Variants in NUDT3 observed in about 807,000 individuals in gnomAD.
NUDT3 encodes diphosphoinositol polyphosphate phosphohydrolase 1.
A neutral mutation model predicts 23.6 loss-of-function variants in NUDT3; 9 were observed. The observed-to-expected ratio is 0.38, with a 90% CI of 0.23 to 0.66. The LOEUF (loss-of-function observed/expected upper bound fraction) is 0.66. NUDT3 is among the 30% of genes least tolerant of loss of function. The probability of loss-of-function intolerance (pLI) is 0.52; values close to 1 mark genes in which losing one functional copy is unlikely to be tolerated. For missense variants in NUDT3, 172 were observed against 218.5 expected, an observed-to-expected ratio of 0.79 and a Z score of 1.34; for synonymous variants, 86 against 82.6, an observed-to-expected ratio of 1.04 and a Z score of -0.22.
At chr6:34,290,804 A>T (rs1763410556) in intron 4 of NUDT3, among the ~76,000 whole-genome samples, 1 of 148,792 alleles carries the variant, frequency 6.7e-6, no homozygotes, top group South Asian at 2.2e-4. Context: ...TATTATTATT[A>T]TTATTATTGA....
chr6:34,355,814 C>T (rs1764552801), intron 1 of NUDT3, among the ~76,000 whole-genome samples: 1 of 151,882 alleles, frequency 6.6e-6, no homozygotes, highest in African/African-American at 2.4e-5. Context: ...TGGATAAAAA[C>T]TCAAGAGGAA....
chr6:34,329,647 A>G (rs181196485), intron 2 of NUDT3, among the ~76,000 whole-genome samples: 91 of 152,024 alleles, frequency 6.0e-4, no homozygotes, highest in Non-Finnish European at 1.2e-3. Context: ...GAAGATACTT[A>G]AAAAAAAATT....
chr6:34,375,144 A>C (rs1202032080), intron 1 of NUDT3, among the ~76,000 whole-genome samples: 1 of 152,146 alleles, frequency 6.6e-6, no homozygotes, highest in Non-Finnish European at 1.5e-5. Context: ...GGAGTTCGAG[A>C]CCAGCCTGAC....
At chr6:34,304,294 T>C (rs904572016) in intron 2 of NUDT3, among the ~76,000 whole-genome samples, 1 of 149,120 alleles carries the variant, frequency 6.7e-6, no homozygotes, top group Admixed American at 6.7e-5. Flanking sequence ...TCGCTGGGCA[T>C]GGTGGCTCAT....
intron 3 of NUDT3, 74 bp from the exon 4 acceptor site, chr6:34,293,609 T>C (rs1763456334): frequency 6.5e-7 from 1 of 1,544,228 alleles, no homozygotes; most frequent in African/African-American, 1.4e-5. Flanking sequence ...AAACACACTC[T>C]TATGCATATG....
chr6:34,388,055 A>C (rs1341057205), intron 1 of NUDT3, among the ~76,000 whole-genome samples: 1 of 152,076 alleles, frequency 6.6e-6, no homozygotes, highest in East Asian at 1.9e-4. Flanking sequence ...TTGTTTAGAT[A>C]TGTTTAGATA....
chr6:34,391,598 C>T (rs1765199664), intron 1 of NUDT3, among the ~76,000 whole-genome samples: 1 of 152,112 alleles, frequency 6.6e-6, no homozygotes, highest in Non-Finnish European at 1.5e-5. Context: ...TTTGGTCTTC[C>T]CAATTAACAT....
At position 34,283,030 on chromosome 6, in the gene NUDT3, G is replaced by C. The variant is rs1290281951; in HGVS notation, c.*5723C>G. 1 of 152,038 alleles carries C rather than the reference G, an allele frequency of 6.6e-6. No individual in the cohort carries two copies. Among genetic ancestry groups the C allele is most frequent in the Non-Finnish European group, 1.5e-5 (1 of 68,004 alleles). The allele number at this position is 152,038 out of a possible 1,614,324, so 9.4% of individuals were successfully genotyped here. A position where few individuals can be genotyped will look rare whatever the true frequency, so the allele number is the denominator to read the frequency against. On this transcript the variant is annotated 3_prime_UTR_variant, in exon 5 of 5. Coordinates refer to ENST00000607016, the MANE Select transcript of NUDT3 (RefSeq NM_006703.4). ...CCAGGTGGACAGTCTTATTTTCTAA[G>C]ACAAGCTCAAAGCTCAAACTCACCA...
At chr6:34,302,214 G>C (rs9469772) in intron 2 of NUDT3, among the ~76,000 whole-genome samples, 1 of 149,962 alleles carries the variant, frequency 6.7e-6, no homozygotes, top group Non-Finnish European at 1.5e-5. Context: ...TTTTTTGGTA[G>C]AGATGAGGTT....
chr6:34,373,862 A>G (rs1236777335), intron 1 of NUDT3, among the ~76,000 whole-genome samples: 2 of 152,196 alleles, frequency 1.3e-5, no homozygotes, highest in East Asian at 3.9e-4. Flanking sequence ...TTAGAAATAT[A>G]TTTTTATTCG....
chr6:34,300,505 G>C (rs1464754871), intron 2 of NUDT3, among the ~76,000 whole-genome samples: 1 of 152,168 alleles, frequency 6.6e-6, no homozygotes, highest in African/African-American at 2.4e-5. Context: ...CAGCTCCTTA[G>C]AGGCTGTCTC....
chr6:34,289,176 G>A (rs561650540), intron 4 of NUDT3, among the ~76,000 whole-genome samples: 3 of 152,252 alleles, frequency 2.0e-5, no homozygotes, highest in East Asian at 1.9e-4. Flanking sequence ...AGAGAACTAC[G>A]GCTAGTGTTT....
chr6:34,340,289 C>T (rs1400032347), intron 2 of NUDT3, among the ~76,000 whole-genome samples: 3 of 152,164 alleles, frequency 2.0e-5, no homozygotes, highest in African/African-American at 7.2e-5. Context: ...AAGCCTGTTA[C>T]AGAACAGTAA....
rs980807690 is a variant in NUDT3, at chr6:34,368,313, T to C, written c.99+23951A>G. Among the ~76,000 whole-genome samples, 5 of 152,336 alleles carry C rather than the reference T, an allele frequency of 3.3e-5. No homozygotes were observed. The East Asian group carries it at 5.8e-4, about 18-fold the overall frequency. ...CTGCTTTTTTCCTCTCCTTCTTCCC[T>C]ACCAAGTAGCTGGAGCCTGAGAAGG... On this transcript the variant is annotated intron_variant, in intron 1 of 4. Transcript: ENST00000607016.
At chr6:34,370,241 TA>T (rs1055707411) in intron 1 of NUDT3, among the ~76,000 whole-genome samples, 4 of 152,182 alleles carry the variant, frequency 2.6e-5, no homozygotes, top group Non-Finnish European at 5.9e-5. Context: ...TAATGCTGGC[TA>T]AAATAAATAG....
chr6:34,380,959 G>A (rs188726054), intron 1 of NUDT3, among the ~76,000 whole-genome samples: 1 of 151,986 alleles, frequency 6.6e-6, no homozygotes, highest in Admixed American at 6.6e-5. Context: ...TTCTTCAAAG[G>A]CTTCTCCAAT....
chr6:34,387,998 GGT>G (rs1765136623), intron 1 of NUDT3, among the ~76,000 whole-genome samples: 1 of 152,060 alleles, frequency 6.6e-6, no homozygotes, highest in Non-Finnish European at 1.5e-5. Context: ...GTCCTGGTCA[GGT>G]GAACCATTTT....
intron 1 of NUDT3, among the ~76,000 whole-genome samples, chr6:34,360,237 C>CAAAA (rs34629409): frequency 1.2e-4 from 6 of 50,698 alleles, no homozygotes; most frequent in Admixed American, 2.3e-4. Flanking sequence ...GACCCTGTCT[C>CAAAA]AAAAAAAAAA....
chr6:34,351,198 T>TTAAAAAAAAAAAAAAAAAAA (rs1764462307), intron 1 of NUDT3, among the ~76,000 whole-genome samples: 14 of 17,896 alleles, frequency 7.8e-4, no homozygotes, highest in Middle Eastern at 0.036. Context: ...CTCCCCTGCC[T>TTAAAAAAAAAAAAAAAAAAA]AAAAAAAAAA....
Sources: allele counts gnomAD v4.1 joint callset (sites outside exome capture counted in the v4.1 genomes callset), GRCh38; gene constraint gnomAD v4.1.1; transcripts MANE v1.5; gene names NCBI Gene and HGNC (gene_info 2026-07-23, HGNC 2026-07-21).